The following C20orf203 variants were observed in gnomAD, a reference collection of about 807,000 sequenced individuals.
The protein encoded by C20orf203 is chromosome 20 open reading frame 203, also known as uncharacterized protein C20orf203.
In C20orf203, 16 loss-of-function variants were observed where a neutral mutation model predicts 15.9. The observed-to-expected ratio is 1.01, with a 90% CI of 0.68 to 1.53. The LOEUF (loss-of-function observed/expected upper bound fraction) is 1.53, where lower values mean the gene tolerates loss of function less well. Ranked by LOEUF, C20orf203 falls within the 40% of genes most tolerant of loss-of-function variation. The probability of loss-of-function intolerance (pLI) is 0.00; values close to 1 mark genes in which losing one functional copy is unlikely to be tolerated. For missense variants in C20orf203, 263 were observed against 247.5 expected, an observed-to-expected ratio of 1.06 and a Z score of -0.42; for synonymous variants, 98 against 97.2, an observed-to-expected ratio of 1.01 and a Z score of -0.05.
At chr20:32,653,317 T>C (rs1256710598) in intron 1 of C20orf203, among the ~76,000 whole-genome samples, 1 of 151,858 alleles carries the variant, frequency 6.6e-6, no homozygotes, top group Non-Finnish European at 1.5e-5. Flanking sequence ...GTACCAATGC[T>C]TTTTTTTAGG....
chr20:32,667,628 C>A (rs1600942390), intron 1 of C20orf203, among the ~76,000 whole-genome samples: 1 of 152,348 alleles, frequency 6.6e-6, no homozygotes, highest in East Asian at 1.9e-4. Context: ...ATTGAAATAT[C>A]TGCCACCTTC....
intron 1 of C20orf203, among the ~76,000 whole-genome samples, chr20:32,672,646 T>C (rs1190929111): frequency 6.6e-6 from 1 of 152,082 alleles, no homozygotes; most frequent in Non-Finnish European, 1.5e-5. Context: ...ACAGTGTGCC[T>C]GTCTCTATTT....
At chr20:32,661,668 T>G (rs924418256) in intron 1 of C20orf203, among the ~76,000 whole-genome samples, 1 of 152,076 alleles carries the variant, frequency 6.6e-6, no homozygotes, top group Non-Finnish European at 1.5e-5. Flanking sequence ...TCCTGGGGAC[T>G]AAATCAGGGC....
At chr20:32,636,920 C>G (rs1460520686) in intron 5 of C20orf203, among the ~76,000 whole-genome samples, 3 of 152,160 alleles carry the variant, frequency 2.0e-5, no homozygotes, top group Non-Finnish European at 4.4e-5. Context: ...GACTGGTCAC[C>G]CTGGCTTCTG....
At chr20:32,669,516 C>A (rs1186747185) in intron 1 of C20orf203, among the ~76,000 whole-genome samples, 2 of 152,184 alleles carry the variant, frequency 1.3e-5, no homozygotes, top group African/African-American at 4.8e-5. Flanking sequence ...CAAAGAAACT[C>A]TGGGGAACCT....
intron 1 of C20orf203, among the ~76,000 whole-genome samples, chr20:32,652,383 C>T (rs1374366565): frequency 6.7e-6 from 1 of 149,988 alleles, no homozygotes; most frequent in Non-Finnish European, 1.5e-5. Flanking sequence ...GGCCCAGCAG[C>T]CCTCCATGCA....
intron 4 of C20orf203, among the ~76,000 whole-genome samples, chr20:32,642,729 G>A (rs1186595438): frequency 6.6e-6 from 1 of 152,088 alleles, no homozygotes; most frequent in Non-Finnish European, 1.5e-5. Context: ...CCAGCCTCTG[G>A]CCCCAGAAAC....
chr20:32,637,498 T>G (rs750982164), intron 5 of C20orf203, among the ~76,000 whole-genome samples: 9 of 152,186 alleles, frequency 5.9e-5, no homozygotes, highest in Middle Eastern at 3.2e-3. Context: ...TCTGCTCAGA[T>G]GTCACCTCCT....
chr20:32,643,899 G>A (rs1307485805), intron 4 of C20orf203, among the ~76,000 whole-genome samples: 1 of 152,170 alleles, frequency 6.6e-6, no homozygotes, highest in Non-Finnish European at 1.5e-5. Flanking sequence ...GTGCCTTTCT[G>A]TTTTTAAAAC....
chr20:32,654,893 A>T (rs945415822), intron 1 of C20orf203, among the ~76,000 whole-genome samples: 2 of 152,206 alleles, frequency 1.3e-5, no homozygotes, highest in Admixed American at 6.6e-5. Context: ...CACACTTCCA[A>T]TTTCAAAAAT....
chr20:32,638,667 G>A (rs1032580215), intron 5 of C20orf203, among the ~76,000 whole-genome samples: 2 of 152,228 alleles, frequency 1.3e-5, no homozygotes, highest in African/African-American at 2.4e-5. Flanking sequence ...AGGAGGGACC[G>A]GGTCTGACTG....
At chr20:32,662,940 GAT>G (rs1341547713) in intron 1 of C20orf203, among the ~76,000 whole-genome samples, 17 of 143,572 alleles carry the variant, frequency 1.2e-4, no homozygotes, top group African/African-American at 3.6e-4. Flanking sequence ...TAGATAGATA[GAT>G]ATAAATATAG....
intron 1 of C20orf203, among the ~76,000 whole-genome samples, chr20:32,662,215 T>C (rs1982906914): frequency 6.6e-6 from 1 of 152,214 alleles, no homozygotes; most frequent in African/African-American, 2.4e-5. Flanking sequence ...AGTCTTTGTT[T>C]TGGGGGCTTG....
intron 4 of C20orf203, among the ~76,000 whole-genome samples, chr20:32,642,721 A>C (rs1600927638): frequency 6.6e-6 from 1 of 152,098 alleles, no homozygotes; most frequent in African/African-American, 2.4e-5. Context: ...TGTCCCTGCC[A>C]GCCTCTGGCC....
chr20:32,667,562 T>A (rs902862056), intron 1 of C20orf203, among the ~76,000 whole-genome samples: 13 of 152,244 alleles, frequency 8.5e-5, no homozygotes, highest in Non-Finnish European at 1.9e-4. Flanking sequence ...TCTGCGCAGT[T>A]GCTACTTAAC....
In C20orf203 at chr20:32,648,640, G is replaced by T. The variant is rs1233715296; in HGVS notation, c.*1177+615C>A. Among the ~76,000 whole-genome samples the T allele has an allele frequency of 2.0e-5, 3 of 146,626 alleles. No homozygotes were observed. The Admixed American group carries it at 2.0e-4, about 10-fold the overall frequency. ...TTTTTGTGTGTGTGTTTTTAGTAGA[G>T]ACAGGGTTTCACCATGTTAGCCAGG... On this transcript the variant is annotated intron_variant, in intron 4 of 5. Transcript: ENST00000608990.
intron 5 of C20orf203, among the ~76,000 whole-genome samples, chr20:32,636,537 C>T (rs752085322): frequency 7.9e-5 from 12 of 152,202 alleles, no homozygotes; most frequent in Non-Finnish European, 1.6e-4. Context: ...TGGAGGCTGG[C>T]TGCCAACAGT....
chr20:32,665,743 A>G (rs1983003660), intron 1 of C20orf203, among the ~76,000 whole-genome samples: 1 of 152,166 alleles, frequency 6.6e-6, no homozygotes, highest in Admixed American at 6.5e-5. Flanking sequence ...AGGAGGGTGG[A>G]TCACGAGGTC....
intron 1 of C20orf203, among the ~76,000 whole-genome samples, chr20:32,670,819 G>A (rs1339254181): frequency 7.2e-5 from 11 of 151,800 alleles, no homozygotes; most frequent in South Asian, 4.1e-4. Context: ...GCGAGACTCC[G>A]TCTCAAAAAA....
Sources: gnomAD v4.1 joint callset for allele counts (sites outside exome capture counted in the v4.1 genomes callset) on GRCh38, gnomAD v4.1.1 for gene constraint, MANE v1.5 for transcripts, NCBI Gene and HGNC (gene_info 2026-07-23, HGNC 2026-07-21) for gene names.